DTNBP1: variants seen among roughly 807,000 people sequenced by gnomAD.
The protein encoded by DTNBP1 is dysbindin.
A neutral mutation model predicts 42.8 loss-of-function variants in DTNBP1; 35 were observed. That is an observed-to-expected ratio of 0.82 (90% CI 0.63 to 1.09). The LOEUF is 1.09. Ranked by LOEUF, DTNBP1 falls within the 50% of genes least tolerant of loss-of-function variation. DTNBP1 has a pLI of 0.00. For synonymous variants in DTNBP1, 171 were observed against 162.2 expected, an observed-to-expected ratio of 1.05 and a Z score of -0.41; for missense variants, 457 against 424.2, an observed-to-expected ratio of 1.08 and a Z score of -0.68.
intron 2 of DTNBP1, 99 bp from the exon 3 acceptor site, chr6:15,651,462 T>A: frequency 6.8e-7 from 1 of 1,477,286 alleles, no homozygotes; most frequent in South Asian, 1.2e-5. Flanking sequence ...AATTGTAATA[T>A]ATTTTAAAAT....
chr6:15,558,253 A>G (rs963721155), intron 7 of DTNBP1, among the ~76,000 whole-genome samples: 1 of 151,078 alleles, frequency 6.6e-6, no homozygotes, highest in Admixed American at 6.6e-5. Context: ...ATAATCAACT[A>G]TAAGATTCTG....
chr6:15,647,884 G>A (rs1431896733), intron 3 of DTNBP1, among the ~76,000 whole-genome samples: 3 of 151,880 alleles, frequency 2.0e-5, no homozygotes, highest in Non-Finnish European at 4.4e-5. Context: ...AGAAAATGAA[G>A]AGGAAGGAAT....
At chr6:15,626,105 T>C (rs1759329529) in intron 5 of DTNBP1, among the ~76,000 whole-genome samples, 1 of 152,202 alleles carries the variant, frequency 6.6e-6, no homozygotes, top group Non-Finnish European at 1.5e-5. Context: ...CACCTCATCC[T>C]ACTGCCTCAT....
intron 3 of DTNBP1, among the ~76,000 whole-genome samples, chr6:15,650,960 C>A (rs932755546): frequency 1.3e-5 from 2 of 151,612 alleles, no homozygotes; most frequent in African/African-American, 4.8e-5. Context: ...AACTCCATGT[C>A]AATAAAAGAA....
At chr6:15,618,531 TA>T (rs202049957) in intron 5 of DTNBP1, among the ~76,000 whole-genome samples, 423 of 131,226 alleles carry the variant, frequency 3.2e-3, no homozygotes, top group Non-Finnish European at 2.9e-3. Flanking sequence ...CCCCTAAAAC[TA>T]AAAAAAAAAA....
intron 7 of DTNBP1, among the ~76,000 whole-genome samples, chr6:15,588,428 T>A (rs1300225402): frequency 6.6e-6 from 1 of 152,244 alleles, no homozygotes; most frequent in Non-Finnish European, 1.5e-5. Context: ...TTGAGCTCTT[T>A]TTAATCATGC....
chr6:15,574,361 G>A (rs1002855807), intron 7 of DTNBP1, among the ~76,000 whole-genome samples: 10 of 152,146 alleles, frequency 6.6e-5, no homozygotes, highest in African/African-American at 1.2e-4. Flanking sequence ...ATGGATCACC[G>A]GATTTCAGTA....
At chr6:15,568,422 T>C (rs1016212289) in intron 7 of DTNBP1, among the ~76,000 whole-genome samples, 1 of 152,234 alleles carries the variant, frequency 6.6e-6, no homozygotes, top group Non-Finnish European at 1.5e-5. Context: ...AATAAATGTG[T>C]GTGCTTTTCT....
chr6:15,551,729 T>C (rs898942709), intron 7 of DTNBP1, among the ~76,000 whole-genome samples: 2 of 152,198 alleles, frequency 1.3e-5, no homozygotes, highest in African/African-American at 4.8e-5. Flanking sequence ...ACTGTGTCTT[T>C]CAACATGGAA....
In DTNBP1 at chr6:15,533,105, T is replaced by C. The variant is rs1381737589; in HGVS notation, c.667+135A>G. ...AGAGAGAGGTGGCCCGACGCACACATTTTGGTTGCTGGGGTCTCATAACAG... is the reference window on the plus strand; with the variant it reads ...AGAGAGAGGTGGCCCGACGCACACACTTTGGTTGCTGGGGTCTCATAACAG... On this transcript the variant is annotated intron_variant, in intron 8 of 9. Coordinates refer to ENST00000344537, the MANE Select transcript of DTNBP1 (RefSeq NM_032122.5). 5.9e-6 allele frequency: 8 copies of C among 1,366,946 alleles called. No individual in the cohort carries two copies. In the East Asian group the frequency reaches 1.2e-4, roughly 21 times the overall value. 84.7% of individuals were successfully genotyped at this position (1,366,946 alleles called of 1,614,324 possible).
intron 3 of DTNBP1, among the ~76,000 whole-genome samples, chr6:15,650,823 A>G (rs1760950056): frequency 6.6e-6 from 1 of 152,130 alleles, no homozygotes; most frequent in African/African-American, 2.4e-5. Flanking sequence ...TTGTCACTCC[A>G]CTATCTTGAT....
At chr6:15,662,679 T>C (rs1318136386) in intron 1 of DTNBP1, 135 bp downstream of exon 1, 2 of 1,292,132 alleles carry the variant, frequency 1.5e-6, no homozygotes, top group African/African-American at 1.5e-5. Context: ...GTTACTTTCC[T>C]CGGCGGGGCG....
At chr6:15,618,812 T>C (rs1196527078) in intron 5 of DTNBP1, among the ~76,000 whole-genome samples, 2 of 152,154 alleles carry the variant, frequency 1.3e-5, no homozygotes. Flanking sequence ...ATAGCCGAGA[T>C]ATGAATTCAA....
At chr6:15,620,697 T>C (rs1002172927) in intron 5 of DTNBP1, among the ~76,000 whole-genome samples, 1 of 152,234 alleles carries the variant, frequency 6.6e-6, no homozygotes, top group African/African-American at 2.4e-5. Context: ...AATAGTTAAA[T>C]TTAATATAGA....
intron 9 of DTNBP1, chr6:15,523,601 C>A: frequency 7.8e-7 from 1 of 1,287,390 alleles, no homozygotes; most frequent in Non-Finnish European, 1.0e-6. Context: ...TTCAGAGACA[C>A]CACTGCTGAG....
intron 5 of DTNBP1, among the ~76,000 whole-genome samples, chr6:15,623,908 C>T (rs1486291549): frequency 1.3e-5 from 2 of 152,198 alleles, no homozygotes; most frequent in Non-Finnish European, 2.9e-5. Flanking sequence ...TGTGGTTTTG[C>T]ATTCTAAACT....
Position 15,589,193 on chromosome 6 carries a change from C to T in DTNBP1, c.511+3866G>A, listed in dbSNP as rs548741860. Among the ~76,000 whole-genome samples, 10 of 152,224 alleles carry T rather than the reference C, an allele frequency of 6.6e-5. No individual in the cohort carries two copies. The South Asian group carries it at 2.1e-3, about 31-fold the overall frequency. On this transcript the variant is annotated intron_variant, in intron 7 of 9. Coordinates refer to ENST00000344537, the MANE Select transcript of DTNBP1 (RefSeq NM_032122.5). ...AGCCAGTAATATGCATAAGCCACAT[C>T]CACGAGTCATCCAAACAAGTGAGAC...
At chr6:15,610,283 C>T (rs1312115519) in intron 6 of DTNBP1, among the ~76,000 whole-genome samples, 2 of 152,190 alleles carry the variant, frequency 1.3e-5, no homozygotes, top group Non-Finnish European at 2.9e-5. Flanking sequence ...CACACCAGCA[C>T]ATATTGTTGT....
chr6:15,532,849 G>A (rs1025012693), intron 8 of DTNBP1, among the ~76,000 whole-genome samples: 5 of 151,662 alleles, frequency 3.3e-5, no homozygotes, highest in African/African-American at 9.7e-5. Context: ...AGAGACACGC[G>A]CCACCACGGC....
Sources: allele counts gnomAD v4.1 joint callset (sites outside exome capture counted in the v4.1 genomes callset), GRCh38; gene constraint gnomAD v4.1.1; transcripts MANE v1.5; gene names NCBI Gene and HGNC (gene_info 2026-07-23, HGNC 2026-07-21).